PANK1: variants seen among roughly 807,000 people sequenced by gnomAD.
The protein encoded by PANK1 is pantothenic acid kinase 1.
PANK1 carries 18 observed loss-of-function variants against 40.1 expected under a neutral mutation model. That is an observed-to-expected ratio of 0.45 (90% confidence interval 0.31 to 0.67). The LOEUF is 0.67. PANK1 is among the 30% of genes least tolerant of loss of function. PANK1 has a pLI of 0.06. For synonymous variants in PANK1, 242 were observed against 237.7 expected, an observed-to-expected ratio of 1.02 and a Z score of -0.17; for missense variants, 457 against 599.6, an observed-to-expected ratio of 0.76 and a Z score of 2.48.
chr10:89,611,711 T>A lies in PANK1; in HGVS notation c.630A>T (p.Glu210Asp). The change falls in exon 2 of 7, where the codon GAA becomes GAT. Residue 210 changes from glutamate (E) to aspartate (D), a missense_variant. Transcript: ENST00000307534. ...CCCGACCTACCATTCTGAAGTCCTC[T>A]TCGAATTTGAAAGCCCCGCCTCCTG... ...CATGGGAFKF[E>D]EDFRMIADLQ... 1 of 1,608,470 alleles carries A rather than the reference T, an allele frequency of 6.2e-7. No individual in the cohort carries two copies.
At chr10:89,613,729 T>C (rs757201764) in intron 1 of PANK1, among the ~76,000 whole-genome samples, 31 of 152,222 alleles carry the variant, frequency 2.0e-4, no homozygotes, top group Admixed American at 4.6e-4. Flanking sequence ...TAGCAGGAGA[T>C]GAAAAAACTG....
At chr10:89,622,182 T>C (rs1350143143) in intron 1 of PANK1, among the ~76,000 whole-genome samples, 3 of 152,156 alleles carry the variant, frequency 2.0e-5, no homozygotes, top group African/African-American at 4.8e-5. Context: ...TTGAAGAAAG[T>C]AGTGAATATA....
intron 1 of PANK1, among the ~76,000 whole-genome samples, chr10:89,632,721 C>T (rs1490682217): frequency 2.6e-5 from 4 of 152,184 alleles, no homozygotes; most frequent in Admixed American, 1.3e-4. Flanking sequence ...TTAACACCTG[C>T]TTGGTCTACC....
At chr10:89,631,988 A>T (rs71471133) in intron 1 of PANK1, among the ~76,000 whole-genome samples, 74,480 of 143,792 alleles carry the variant, frequency 0.52, 19,831 homozygotes, top group South Asian at 0.64. Flanking sequence ...TTTTTTTTTT[A>T]AAAAGGGTTC....
At chr10:89,603,914 C>A (rs2133949459) in intron 2 of PANK1, among the ~76,000 whole-genome samples, 1 of 152,212 alleles carries the variant, frequency 6.6e-6, no homozygotes, top group South Asian at 2.1e-4. Context: ...CAAATCAGTC[C>A]TCAGATTAAT....
At chr10:89,640,420 C>A (rs1018853446) in intron 1 of PANK1, among the ~76,000 whole-genome samples, 3 of 147,930 alleles carry the variant, frequency 2.0e-5, no homozygotes, top group Non-Finnish European at 3.0e-5. Flanking sequence ...CACACAAACA[C>A]ACACACGATT....
chr10:89,584,112 C>T lies in PANK1; in HGVS notation c.*294G>A, dbSNP rs923646756. On this transcript the variant is annotated 3_prime_UTR_variant, in exon 7 of 7. Coordinates refer to ENST00000307534, the MANE Select transcript of PANK1 (RefSeq NM_148977.3). ...TACATATCAGGTCCTTCTTAAACAT[C>T]AAACAACTTTTCAAAGTTAATGCAT... 5 of 309,710 alleles carry T rather than the reference C, an allele frequency of 1.6e-5. No individual in the cohort carries two copies. Among genetic ancestry groups the T allele is most frequent in the African/African-American group, 1.1e-4 (5 of 47,028 alleles). The allele number at this position is 309,710 out of a possible 1,614,324, so 19.2% of individuals were successfully genotyped here.
chr10:89,637,372 T>C lies in PANK1; in HGVS notation c.292+7228A>G, dbSNP rs191927335. On this transcript the variant is annotated intron_variant, in intron 1 of 6. Transcript: ENST00000307534. ...CAATTCTGTCATTGTGCAAACAGCA[T>C]AGAGTGTACTTACACAACCCTAGAC... Among the ~76,000 whole-genome samples the C allele has an allele frequency of 9.7e-4, 148 of 152,306 alleles. 1 individual carries two copies. The highest frequency in any genetic ancestry group is 3.1e-3 in the African/African-American group (128 of 41,570).
intron 1 of PANK1, among the ~76,000 whole-genome samples, chr10:89,630,650 G>A (rs12763346): frequency 0.18 from 27,702 of 151,756 alleles, 2,936 homozygotes; most frequent in East Asian, 0.35. Flanking sequence ...CCGTCACCTC[G>A]CCCGGCTAAT....
intron 3 of PANK1, among the ~76,000 whole-genome samples, chr10:89,595,830 AAAAAT>A (rs1322552669): frequency 9.3e-4 from 62 of 66,546 alleles, no homozygotes; most frequent in Admixed American, 2.5e-3. Context: ...AAAAAAAAAA[AAAAAT>A]ATATATATAT....
At position 89,600,701 on chromosome 10, in the gene PANK1, C is replaced by A. The variant is rs184292373; in HGVS notation, c.646-1196G>T. Among the ~76,000 whole-genome samples the A allele has an allele frequency of 2.0e-5, 3 of 152,198 alleles. No individual in the cohort carries two copies. The East Asian group carries it at 5.8e-4, about 29-fold the overall frequency. ...GAGGGCTAGGCTTAGGGTCTGGTAG[C>A]CATTTTGCCTTCTCAAAAGTTTAAT... On this transcript the variant is annotated intron_variant, in intron 2 of 6. Transcript: ENST00000307534.
intron 1 of PANK1, among the ~76,000 whole-genome samples, chr10:89,630,900 C>T (rs950036801): frequency 6.6e-6 from 1 of 152,170 alleles, no homozygotes; most frequent in African/African-American, 2.4e-5. Flanking sequence ...GATAGGCTGG[C>T]GCATCCCTGT....
chr10:89,622,214 C>T (rs577966788), intron 1 of PANK1, among the ~76,000 whole-genome samples: 2 of 152,274 alleles, frequency 1.3e-5, no homozygotes, highest in East Asian at 1.9e-4. Flanking sequence ...AAGTGTTTCC[C>T]TAATACTGTA....
intron 1 of PANK1, among the ~76,000 whole-genome samples, chr10:89,624,327 C>T: frequency 6.6e-6 from 1 of 152,134 alleles, no homozygotes; most frequent in South Asian, 2.1e-4. Context: ...AATATATGAA[C>T]ATTTAGGTTA....
intron 1 of PANK1, among the ~76,000 whole-genome samples, chr10:89,633,222 C>G (rs1589816043): frequency 6.6e-6 from 1 of 152,082 alleles, no homozygotes; most frequent in Admixed American, 6.5e-5. Flanking sequence ...TGTGTATAAA[C>G]AACACCCATA....
chr10:89,589,991 C>G (rs1844327354), intron 5 of PANK1, among the ~76,000 whole-genome samples: 1 of 146,596 alleles, frequency 6.8e-6, no homozygotes. Flanking sequence ...GAAGAGCATT[C>G]CATGTTTCAA....
chr10:89,599,217 G>C lies in PANK1; in HGVS notation c.899+35C>G, dbSNP rs1844702213. 4.4e-6 allele frequency: 7 copies of C among 1,591,344 alleles called. No homozygotes were observed. The Admixed American group carries it at 5.3e-5, about 12-fold the overall frequency. On this transcript the variant is annotated intron_variant, in intron 3 of 6. Coordinates refer to ENST00000307534, the MANE Select transcript of PANK1 (RefSeq NM_148977.3). ...ACTATAAACTGGTCATCAAGAAAGA[G>C]GTCTGGGTTCAAGCACAAGCAGAAA...
At position 89,584,187 on chromosome 10, in the gene PANK1, T is replaced by C. The variant is rs984102412; in HGVS notation, c.*219A>G. Reference sequence around the variant, plus strand: ...GCACCATTTTTTTAAAAAAATACAGTATACAGAAAAAAAACCTTTTATATT... The same window carrying C: ...GCACCATTTTTTTAAAAAAATACAGCATACAGAAAAAAAACCTTTTATATT... On this transcript the variant is annotated 3_prime_UTR_variant, in exon 7 of 7. Coordinates refer to ENST00000307534, the MANE Select transcript of PANK1 (RefSeq NM_148977.3). The C allele has an allele frequency of 2.1e-5, 10 of 487,444 alleles. No individual in the cohort carries two copies. The Admixed American group carries it at 3.1e-4, about 15-fold the overall frequency. 30.2% of individuals were successfully genotyped at this position (487,444 alleles called of 1,614,324 possible).
intron 1 of PANK1, among the ~76,000 whole-genome samples, chr10:89,617,007 A>G (rs1845340461): frequency 6.6e-6 from 1 of 152,232 alleles, no homozygotes; most frequent in African/African-American, 2.4e-5. Context: ...ATACATTGTT[A>G]CTTCCAGGAC....
Sources: gnomAD v4.1 joint callset for allele counts (sites outside exome capture counted in the v4.1 genomes callset) on GRCh38, gnomAD v4.1.1 for gene constraint, MANE v1.5 for transcripts, NCBI Gene and HGNC (gene_info 2026-07-23, HGNC 2026-07-21) for gene names.